The following GOLGB1 variants were observed in gnomAD, a reference collection of about 807,000 sequenced individuals.
The protein encoded by GOLGB1 is golgin B1, also known as golgin subfamily B member 1.
GOLGB1 carries 174 observed loss-of-function variants against 336.9 expected under a neutral mutation model. The observed-to-expected ratio is 0.52, with a 90% CI of 0.46 to 0.59. The LOEUF (loss-of-function observed/expected upper bound fraction) is 0.59, where lower values mean the gene tolerates loss of function less well. GOLGB1 is among the 20% of genes least tolerant of loss of function. The pLI, the probability that GOLGB1 is intolerant of heterozygous loss-of-function variation, is 0.00. For missense variants in GOLGB1, 3,331 were observed against 3,645.3 expected (o/e 0.91, Z 2.22); for synonymous variants, 1,208 against 1,289.2 (o/e 0.94, Z 1.35).
chr3:121,680,515 T>A (rs967773064), intron 15 of GOLGB1, among the ~76,000 whole-genome samples: 1 of 152,002 alleles, frequency 6.6e-6, no homozygotes, highest in Non-Finnish European at 1.5e-5. Context: ...AAAGAAGAAC[T>A]GAATGGAAAT....
At position 121,691,453 on chromosome 3, in the gene GOLGB1, G is replaced by C; in HGVS notation, c.7911C>G (p.Ala2637=). ...CCTCTTCTTCTTTTACTTTTAACTG[G>C]GCATGATAGAGTCCTAAAGTACCTT... ...QEEGTLGLYH[A]QLKVKEEEVH... Residue 2637 remains alanine (A), a synonymous_variant, in exon 14 of 22, where the codon GCC becomes GCG. Coordinates refer to ENST00000614479, the MANE Select transcript of GOLGB1 (RefSeq NM_001366282.2). The C allele has an allele frequency of 6.2e-7, 1 of 1,613,604 alleles. No homozygotes were observed. Among genetic ancestry groups the C allele is most frequent in the South Asian group, 1.1e-5 (1 of 91,056 alleles).
intron 20 of GOLGB1, among the ~76,000 whole-genome samples, chr3:121,667,076 T>C (rs1363127042): frequency 6.6e-6 from 1 of 152,228 alleles, no homozygotes; most frequent in Non-Finnish European, 1.5e-5. Flanking sequence ...TTTAACATCA[T>C]TTATAAAGCA....
chr3:121,703,956 A>T (rs1364187010), intron 10 of GOLGB1, among the ~76,000 whole-genome samples: 1 of 152,162 alleles, frequency 6.6e-6, no homozygotes, highest in Non-Finnish European at 1.5e-5. Flanking sequence ...ACAAAAAAAA[A>T]TAATGAACCA....
chr3:121,739,486 T>G (rs1946707827), intron 1 of GOLGB1, among the ~76,000 whole-genome samples: 1 of 150,434 alleles, frequency 6.6e-6, no homozygotes, highest in African/African-American at 2.5e-5. Context: ...ACATCAGAAA[T>G]AGAAAAACCC....
chr3:121,696,191 C>T lies in GOLGB1; in HGVS notation c.4332G>A (p.Leu1444=). ...IIEQEDLIKA[L]HTQLEMQAKE... ...TGGCTTGCATTTCTAGCTGTGTATG[C>T]AGAGCCTTAATTAAATCTTCTTGTT... Residue 1444 remains leucine (L), a synonymous_variant, in exon 13 of 22, where the codon CTG becomes CTA. Transcript: ENST00000614479. 6.2e-7 allele frequency: 1 copy of T among 1,614,022 alleles called. No homozygotes were observed. Among genetic ancestry groups the T allele is most frequent in the Non-Finnish European group, 8.5e-7 (1 of 1,179,928 alleles).
chr3:121,726,235 C>G (rs1291005855), intron 5 of GOLGB1, among the ~76,000 whole-genome samples: 1 of 151,276 alleles, frequency 6.6e-6, no homozygotes, highest in African/African-American at 2.4e-5. Context: ...GAGTTCCAGA[C>G]CAGCCTAGCT....
intron 2 of GOLGB1, 49 bp downstream of exon 2, chr3:121,730,827 A>G: frequency 6.5e-7 from 1 of 1,549,614 alleles, no homozygotes. Flanking sequence ...TCCTTAGAAG[A>G]ACACAGAACA....
rs948888301 is a variant in GOLGB1 at position 121,693,113 on chromosome 3, G to T, written c.6783-532C>A. On this transcript the variant is annotated intron_variant, in intron 13 of 21. Transcript: ENST00000614479. ...TATGAATTAATGTGGACTAAAGGAA[G>T]AAGAAAAGACGAGACTAGACAATTA... Among the ~76,000 whole-genome samples the T allele has an allele frequency of 9.2e-5, 14 of 152,304 alleles. 1 individual carries two copies. Among genetic ancestry groups the T allele is most frequent in the South Asian group, 4.2e-4 (2 of 4,816 alleles).
chr3:121,700,509 T>C (rs1181049302), intron 11 of GOLGB1, among the ~76,000 whole-genome samples: 2 of 152,060 alleles, frequency 1.3e-5, no homozygotes, highest in Non-Finnish European at 2.9e-5. Context: ...TCTGAGAAGA[T>C]AACACAGATA....
rs750829822 is a variant in GOLGB1, at chr3:121,696,152, C to T, written c.4371G>A (p.Glu1457=). 6.2e-7 allele frequency: 1 copy of T among 1,614,146 alleles called. No individual in the cohort carries two copies. The highest frequency in any genetic ancestry group is 8.5e-7 in the Non-Finnish European group (1 of 1,180,026). Residue 1457 remains glutamate, a synonymous_variant, in exon 13 of 22, where the codon GAG becomes GAA. Coordinates refer to ENST00000614479, the MANE Select transcript of GOLGB1 (RefSeq NM_001366282.2). ...GTTCCACCTGTAGCTGCTTTATCCT[C>T]TCATCATGCTCTTTGGCTTGCATTT... The part of the protein sequence containing the change: ...QLEMQAKEHD[E]RIKQLQVELC...
chr3:121,741,472 C>T (rs1451235401), intron 1 of GOLGB1, among the ~76,000 whole-genome samples: 2 of 152,138 alleles, frequency 1.3e-5, no homozygotes, highest in Non-Finnish European at 2.9e-5. Flanking sequence ...TTGTTGTCTA[C>T]GGCCATACCA....
chr3:121,728,420 G>C (rs1049111208), intron 4 of GOLGB1, among the ~76,000 whole-genome samples: 3 of 152,120 alleles, frequency 2.0e-5, no homozygotes, highest in African/African-American at 7.2e-5. Context: ...TCTTACACAC[G>C]GTGAAGTCTA....
chr3:121,710,225 T>A (rs1456558026), intron 10 of GOLGB1, among the ~76,000 whole-genome samples: 1 of 151,918 alleles, frequency 6.6e-6, no homozygotes, highest in Admixed American at 6.6e-5. Context: ...TAAAAAAAAG[T>A]ATTTAAAAAA....
Position 121,714,855 on chromosome 3 carries a change from A to G in GOLGB1, c.1404+6T>C, listed in dbSNP as rs1329102344. 2 of 1,506,434 alleles carry G rather than the reference A, an allele frequency of 1.3e-6. No individual in the cohort carries two copies. The highest frequency in any genetic ancestry group is 1.8e-6 in the Non-Finnish European group (2 of 1,082,080). The allele number at this position is 1,506,434 out of a possible 1,614,324, so 93.3% of individuals were successfully genotyped here. ...TAATATTCATAAGAAGTTCACATTT[A>G]ATTACCTGTGTGCCCTCATTATAAA... On this transcript the variant is annotated splice_donor_region_variant and intron_variant, in intron 10 of 21. Coordinates refer to ENST00000614479, the MANE Select transcript of GOLGB1 (RefSeq NM_001366282.2).
At chr3:121,742,585 A>G (rs1427911752) in intron 1 of GOLGB1, among the ~76,000 whole-genome samples, 1 of 152,210 alleles carries the variant, frequency 6.6e-6, no homozygotes, top group Non-Finnish European at 1.5e-5. Context: ...AAAACACCAA[A>G]AGCAATGGCA....
At chr3:121,721,655 C>T (rs1230824843) in intron 6 of GOLGB1, among the ~76,000 whole-genome samples, 1 of 151,800 alleles carries the variant, frequency 6.6e-6, no homozygotes. Context: ...TGTGGGAGTG[C>T]GTGGCCAACC....
chr3:121,697,075 C>G lies in GOLGB1; in HGVS notation c.3448G>C (p.Val1150Leu), dbSNP rs773950453. 6.2e-7 allele frequency: 1 copy of G among 1,614,046 alleles called. No individual in the cohort carries two copies. The highest frequency in any genetic ancestry group is 8.5e-7 in the Non-Finnish European group (1 of 1,179,918). The change falls in exon 13 of 22, where the codon GTG becomes CTG. Residue 1150 changes from valine to leucine, a missense_variant. Coordinates refer to ENST00000614479, the MANE Select transcript of GOLGB1 (RefSeq NM_001366282.2). Reference protein sequence around the residue: ...GDSVALVKETVVISPPCTGSS... With the variant: ...GDSVALVKETLVISPPCTGSS... ...CCTGTACAAGGTGGACTTATCACCACTGTTTCCTTTACAAGTGCTACGGAG... is the reference window on the plus strand; with the variant it reads ...CCTGTACAAGGTGGACTTATCACCAGTGTTTCCTTTACAAGTGCTACGGAG...
chr3:121,693,816 T>G lies in GOLGB1; in HGVS notation c.6707A>C (p.Asp2236Ala), dbSNP rs1272409075. The change falls in exon 13 of 22, where the codon GAT becomes GCT. Residue 2236 changes from aspartate to alanine, a missense_variant. Transcript: ENST00000614479. ...SKEEEIRLKE[D>A]NCSVLKDQLR... ...TTGATCCTTTAGAACACTGCAATTA[T>G]CTTCTTTGAGTCTAATTTCTTCTTC... is the stretch of plus-strand genomic sequence containing the variant. 1 of 1,608,062 alleles carries G rather than the reference T, an allele frequency of 6.2e-7. No homozygotes were observed. Among genetic ancestry groups the G allele is most frequent in the East Asian group, 2.2e-5 (1 of 44,856 alleles).
At chr3:121,686,535 C>T (rs770382227) in intron 14 of GOLGB1, among the ~76,000 whole-genome samples, 2 of 152,054 alleles carry the variant, frequency 1.3e-5, no homozygotes, top group Non-Finnish European at 2.9e-5. Context: ...TACAGGCACC[C>T]CTAGAGATAT....
Sources: allele counts gnomAD v4.1 joint callset (sites outside exome capture counted in the v4.1 genomes callset), GRCh38; gene constraint gnomAD v4.1.1; transcripts MANE v1.5; gene names NCBI Gene and HGNC (gene_info 2026-07-23, HGNC 2026-07-21).